EPG5: variants seen among roughly 807,000 people sequenced by gnomAD.
EPG5 encodes the protein ectopic P-granules 5 autophagy tethering factor.
In EPG5, 159 loss-of-function variants were observed where a neutral mutation model predicts 302.7. The observed-to-expected ratio is 0.53, with a 90% CI of 0.46 to 0.60. The LOEUF (loss-of-function observed/expected upper bound fraction) is 0.60. Among genes scored for constraint, EPG5 ranks in the 20% least tolerant of loss-of-function variants. The pLI is 0.00. For missense variants in EPG5, 2,896 were observed against 3,092.4 expected (o/e 0.94, Z 1.51); for synonymous variants, 1,158 against 1,136.8 (o/e 1.02, Z -0.37).
chr18:45,879,275 A>T, intron 32 of EPG5, 61 bp from the exon 33 acceptor site: 1 of 1,190,888 alleles, frequency 8.4e-7, no homozygotes, highest in Non-Finnish European at 1.2e-6. Context: ...AAGTGTTATG[A>T]TACACTGTGA....
intron 14 of EPG5, among the ~76,000 whole-genome samples, chr18:45,924,041 A>G (rs28708854): frequency 0.032 from 4,851 of 152,010 alleles, 228 homozygotes; most frequent in African/African-American, 0.11. Context: ...AAAAAAAAAA[A>G]AGAGAAAGAT....
At position 45,954,973 on chromosome 18, in the gene EPG5, T is replaced by G. The variant is rs372303214; in HGVS notation, c.429A>C (p.Glu143Asp). 48 of 1,613,986 alleles carry G rather than the reference T, an allele frequency of 3.0e-5. No homozygotes were observed. The highest frequency in any genetic ancestry group is 3.8e-5 in the Non-Finnish European group (45 of 1,180,022). The part of the protein sequence containing the change: ...ETPKNFTEVE[E>D]NMSVQGGLSE... ...AAAGTCCACCTTGTACCGACATATT[T>G]TCCTCTACCTCTGTGAAGTTCTTGG... The change falls in exon 2 of 44, where the codon GAA becomes GAC. Residue 143 changes from glutamate (E) to aspartate (D), a missense_variant. Physicochemically the swap from Glu to Asp is conservative, Grantham distance 45 (BLOSUM62 2). Transcript: ENST00000282041.
In EPG5 at chr18:45,917,935, T is replaced by C. The variant is rs186430650; in HGVS notation, c.3099-116A>G. ...GGTTATCTCAGGTCTCCAACACATGTTTTATACCCAATCTTCACACAGAAA... is the reference window on the plus strand; with the variant it reads ...GGTTATCTCAGGTCTCCAACACATGCTTTATACCCAATCTTCACACAGAAA... On this transcript the variant is annotated intron_variant, in intron 16 of 43. Coordinates refer to ENST00000282041, the MANE Select transcript of EPG5 (RefSeq NM_020964.3). The C allele has an allele frequency of 1.3e-5, 12 of 952,404 alleles. No individual in the cohort carries two copies. In the East Asian group the frequency reaches 3.2e-4, roughly 25 times the overall value. The allele number at this position is 952,404 out of a possible 1,614,324, so 59.0% of individuals were successfully genotyped here.
chr18:45,922,463 G>T lies in EPG5; in HGVS notation c.2976C>A (p.Pro992=), dbSNP rs1306855569. The T allele has an allele frequency of 6.2e-7, 1 of 1,614,108 alleles. No homozygotes were observed. The highest frequency in any genetic ancestry group is 1.3e-5 in the African/African-American group (1 of 74,934). The part of the protein sequence containing the change: ...YGIQPNCPAV[P]FSVTVPDMTE... Reference sequence around the variant, plus strand: ...TCATGTCAGGCACAGTGACGGAGAAGGGAACAGCTGGACAATTCGGCTGTA... The same window carrying T: ...TCATGTCAGGCACAGTGACGGAGAATGGAACAGCTGGACAATTCGGCTGTA... The change falls in exon 16 of 44, where the codon CCC becomes CCA. Residue 992 remains proline, a synonymous_variant. Coordinates refer to ENST00000282041, the MANE Select transcript of EPG5 (RefSeq NM_020964.3).
intron 16 of EPG5, among the ~76,000 whole-genome samples, chr18:45,921,929 T>C: frequency 6.6e-6 from 1 of 151,002 alleles, no homozygotes; most frequent in Non-Finnish European, 1.5e-5. Flanking sequence ...ACCTGCACGT[T>C]GTGCACATGT....
chr18:45,855,490 G>A (rs905764969), intron 43 of EPG5, 83 bp downstream of exon 43: 41 of 893,566 alleles, frequency 4.6e-5, no homozygotes, highest in Middle Eastern at 2.4e-4. Flanking sequence ...ATGTCATGAC[G>A]CGCACAGGCT....
rs764123084 is a variant in EPG5 at position 45,884,760 on chromosome 18, G to A, written c.5161C>T (p.Leu1721=). The change falls in exon 30 of 44, where the codon CTG becomes TTG. Residue 1721 remains leucine (L), a synonymous_variant. Transcript: ENST00000282041. ...SECRKVLETI[L]KNSRLCSLLS... is the part of the protein sequence containing the mutation. ...AGGGAGCAGAGCCTGCTGTTCTTCAGAATGGTTTCAAGTACTTTTCTGCAC... is the reference window on the plus strand; with the variant it reads ...AGGGAGCAGAGCCTGCTGTTCTTCAAAATGGTTTCAAGTACTTTTCTGCAC... 5 of 1,594,754 alleles carry A rather than the reference G, an allele frequency of 3.1e-6. No homozygotes were observed. The highest frequency in any genetic ancestry group is 8.5e-7 in the Non-Finnish European group (1 of 1,173,998).
chr18:45,912,427 G>T lies in EPG5; in HGVS notation c.3846C>A (p.Ile1282=), dbSNP rs200540278. The T allele has an allele frequency of 1.2e-6, 2 of 1,603,560 alleles. No homozygotes were observed. Among genetic ancestry groups the T allele is most frequent in the Non-Finnish European group, 8.5e-7 (1 of 1,176,812 alleles). The change falls in exon 22 of 44, where the codon ATC becomes ATA. Residue 1282 remains isoleucine (I), a synonymous_variant. Coordinates refer to ENST00000282041, the MANE Select transcript of EPG5 (RefSeq NM_020964.3). The stretch of plus-strand genomic sequence containing the variant: ...TCAGCAGCCTCTGGAGGGATGGCAC[G>T]ATGGGGAGCTTCAGCTGGGTCTGGG... ...KKAQTQLKLP[I]VPSLQRLLIY...
Position 45,870,701 on chromosome 18 carries a change from G to A in EPG5, c.6091C>T (p.Leu2031=). 1 of 1,611,662 alleles carries A rather than the reference G, an allele frequency of 6.2e-7. No homozygotes were observed. The highest frequency in any genetic ancestry group is 8.5e-7 in the Non-Finnish European group (1 of 1,178,736). ...PGDAGALWLH[L]MHYCEACTAP... The stretch of plus-strand genomic sequence containing the variant: ...GTACATGCTTCACAATAATGCATCA[G>A]GTGCAACCAAAGGGCTCCTGCATCA... Residue 2031 remains leucine (L), a synonymous_variant, in exon 36 of 44, where the codon CTG becomes TTG. Coordinates refer to ENST00000282041, the MANE Select transcript of EPG5 (RefSeq NM_020964.3).
chr18:45,838,908 G>T, the EPG5 span: 1 of 1,601,784 alleles, frequency 6.2e-7, no homozygotes, highest in Non-Finnish European at 8.5e-7. Flanking sequence ...TGCCCGCACT[G>T]ACCCATGACG....
chr18:45,832,484 G>A, the EPG5 span, among the ~76,000 whole-genome samples: 157 of 151,348 alleles, frequency 1.0e-3, no homozygotes, highest in African/African-American at 3.7e-3. Context: ...CCTAGGACGT[G>A]CCAGGCACAG....
chr18:45,922,683 C>T, intron 15 of EPG5, 83 bp from the exon 16 acceptor site: 1 of 1,466,258 alleles, frequency 6.8e-7, no homozygotes, highest in Non-Finnish European at 9.4e-7. Flanking sequence ...CTTTTGTGAC[C>T]AACAATGCCC....
chr18:45,917,896 C>T, intron 16 of EPG5, 77 bp from the exon 17 acceptor site: 13 of 1,498,734 alleles, frequency 8.7e-6, no homozygotes, highest in Non-Finnish European at 1.2e-5. Context: ...GAGTTATGAG[C>T]CTTCAATACC....
At chr18:45,863,329 C>CT in intron 39 of EPG5, among the ~76,000 whole-genome samples, 1 of 152,290 alleles carries the variant, frequency 6.6e-6, no homozygotes, top group South Asian at 2.1e-4. Flanking sequence ...ATTTTTCTCA[C>CT]TTTCTCCATG....
chr18:45,917,946 A>G (rs2050070415), intron 16 of EPG5, 127 bp from the exon 17 acceptor site: 1 of 832,766 alleles, frequency 1.2e-6, no homozygotes, highest in South Asian at 2.0e-5. Context: ...TTTATACCCA[A>G]TCTTCACACA....
chr18:45,884,272 T>C (rs1243139910), intron 30 of EPG5, among the ~76,000 whole-genome samples: 3 of 152,146 alleles, frequency 2.0e-5, no homozygotes, highest in African/African-American at 4.8e-5. Flanking sequence ...ATGTGAAGGA[T>C]ATAGGTTGCA....
the EPG5 span, among the ~76,000 whole-genome samples, chr18:45,823,304 G>A: frequency 1.3e-5 from 2 of 152,038 alleles, no homozygotes; most frequent in Non-Finnish European, 2.9e-5. Flanking sequence ...TGAGGGTGAG[G>A]GGTGCATGAT....
intron 35 of EPG5, among the ~76,000 whole-genome samples, chr18:45,871,368 T>C (rs2048868808): frequency 6.6e-6 from 1 of 152,118 alleles, no homozygotes; most frequent in Non-Finnish European, 1.5e-5. Context: ...GAAAAAGGCA[T>C]GGAGGTTCGT....
At chr18:45,804,942 G>A in the EPG5 span, among the ~76,000 whole-genome samples, 1 of 152,034 alleles carries the variant, frequency 6.6e-6, no homozygotes, top group Admixed American at 6.6e-5. Flanking sequence ...AGGAATGCTG[G>A]GGGCAGGTAT....
Sources: gnomAD v4.1 joint callset for allele counts (sites outside exome capture counted in the v4.1 genomes callset) on GRCh38, gnomAD v4.1.1 for gene constraint, MANE v1.5 for transcripts, NCBI Gene and HGNC (gene_info 2026-07-23, HGNC 2026-07-21) for gene names.